The following KPNA7 variants were observed in gnomAD, a reference collection of about 807,000 sequenced individuals.
KPNA7 encodes the protein importin subunit alpha-8.
A neutral mutation model predicts 53.7 loss-of-function variants in KPNA7; 54 were observed. The ratio of observed to expected loss-of-function variants is 1.01; its 90% CI spans 0.81 to 1.26. The LOEUF (loss-of-function observed/expected upper bound fraction) is 1.26, where lower values mean the gene tolerates loss of function less well. Ranked by LOEUF, KPNA7 falls within the 50% of genes most tolerant of loss-of-function variation. The pLI is 0.00. For missense variants in KPNA7, 640 were observed against 644.5 expected, an observed-to-expected ratio of 0.99 and a Z score of 0.07; for synonymous variants, 276 against 259.3, an observed-to-expected ratio of 1.06 and a Z score of -0.62.
At chr7:99,181,519 G>A (rs1799272252) in intron 9 of KPNA7, among the ~76,000 whole-genome samples, 1 of 152,230 alleles carries the variant, frequency 6.6e-6, no homozygotes, top group African/African-American at 2.4e-5. Context: ...ACAGAGGAGG[G>A]TAGAGGTATT....
chr7:99,216,120 T>G (rs1300030433), intron 1 of KPNA7, among the ~76,000 whole-genome samples: 1 of 152,104 alleles, frequency 6.6e-6, no homozygotes, highest in African/African-American at 2.4e-5. Context: ...CTCGACTTTC[T>G]GGGCTCAGAT....
rs561294374 is a variant in KPNA7 at position 99,217,602 on chromosome 7, C to CG, written c.-23-10114dup. 1.5e-4 allele frequency among the ~76,000 whole-genome samples: 20 copies of CG among 134,120 alleles called. No individual in the cohort carries two copies. In the East Asian group the frequency reaches 4.2e-3, roughly 28 times the overall value. The allele number at this position is 134,120 out of a possible 152,430, so 88.0% of individuals were successfully genotyped here. On this transcript the variant is annotated intron_variant, in intron 1 of 10. Coordinates refer to the KPNA7 transcript ENST00000681060. ...CCAGGGAGGAGAAAAGGCCCAGGAA[C>CG]GGGGACTCCACCTTGCCTTTTTTTT... is the stretch of plus-strand genomic sequence containing the variant.
intron 3 of KPNA7, among the ~76,000 whole-genome samples, chr7:99,197,512 G>A (rs1790291837): frequency 6.6e-6 from 1 of 152,156 alleles, no homozygotes; most frequent in East Asian, 1.9e-4. Context: ...TCCCTGAGGA[G>A]ACCAGATGTT....
At chr7:99,173,837 G>A in intron 10 of KPNA7, 43 bp from the exon 11 acceptor site, 1 of 1,198,310 alleles carries the variant, frequency 8.3e-7, no homozygotes, top group South Asian at 1.4e-5. Flanking sequence ...AGGATTCTCA[G>A]CACATTATCA....
chr7:99,207,311 G>A (rs1011088213), intron 2 of KPNA7, 90 bp downstream of exon 2: 2 of 1,059,866 alleles, frequency 1.9e-6, no homozygotes, highest in Non-Finnish European at 2.9e-6. Context: ...GGGATTACAG[G>A]CATGAGCCAC....
chr7:99,180,912 C>T (rs192899007), intron 9 of KPNA7, among the ~76,000 whole-genome samples: 2 of 47,722 alleles, frequency 4.2e-5, no homozygotes, highest in African/African-American at 1.2e-4. Flanking sequence ...TCTCTCTCTC[C>T]CCGTCTGTGT....
At chr7:99,207,587 A>G in intron 1 of KPNA7, 98 bp from the exon 2 acceptor site, 1 of 368,374 alleles carries the variant, frequency 2.7e-6, no homozygotes, top group Non-Finnish European at 5.5e-6. Flanking sequence ...CTCACAGTGG[A>G]GCAAAGGGCA....
rs576807020 is a variant in KPNA7 at position 99,215,296 on chromosome 7, C to T, written c.-23-7807G>A. Among the ~76,000 whole-genome samples, 6 of 130,854 alleles carry T rather than the reference C, an allele frequency of 4.6e-5. No homozygotes were observed. The East Asian group carries it at 1.3e-3, about 29-fold the overall frequency. 85.8% of individuals were successfully genotyped at this position (130,854 alleles called of 152,430 possible). ...CTGAGGCACTGGAATCGCTTGAACC[C>T]GGGAGGCAGAGGTTGCAGTGAGCTG... On this transcript the variant is annotated intron_variant, in intron 1 of 10. Coordinates refer to the KPNA7 transcript ENST00000681060.
chr7:99,147,798 A>G, the KPNA7 span, among the ~76,000 whole-genome samples: 1 of 44,920 alleles, frequency 2.2e-5, no homozygotes, highest in African/African-American at 7.9e-5. Context: ...TCTCAAAAAA[A>G]AAAATTTTTT....
At position 99,203,138 on chromosome 7, in the gene KPNA7, T is replaced by C. The variant is rs1237097257; in HGVS notation, c.169A>G (p.Thr57Ala). The C allele has an allele frequency of 3.9e-6, 6 of 1,551,582 alleles. No homozygotes were observed. The highest frequency in any genetic ancestry group is 2.0e-5 in the Admixed American group (1 of 50,976). Residue 57 changes from threonine (T) to alanine (A), a missense_variant, in exon 3 of 11, where the codon ACA becomes GCA. Physicochemically the swap from Thr to Ala is moderately conservative, Grantham distance 58. Coordinates refer to ENST00000327442, the MANE Select transcript of KPNA7 (RefSeq NM_001145715.3). ...RRNITSFCPD[T>A]PSEKTAKGVA... ...CCTTTGGCTGTTTTTTCAGAAGGTG[T>C]GTCAGGGCAGAAGCTCGTGATATTC...
At chr7:99,184,727 G>T (rs17161604) in intron 8 of KPNA7, among the ~76,000 whole-genome samples, 15,112 of 152,154 alleles carry the variant, frequency 0.099, 892 homozygotes, top group African/African-American at 0.16. Flanking sequence ...AATAATGCTT[G>T]TTCCGTCTTC....
At chr7:99,196,062 G>A (rs1365608712) in intron 4 of KPNA7, 22 bp downstream of exon 4, 1 of 1,544,312 alleles carries the variant, frequency 6.5e-7, no homozygotes, top group Non-Finnish European at 8.8e-7. Context: ...ACCTGCAACA[G>A]CAGAAGTCTG....
upstream of KPNA7, among the ~76,000 whole-genome samples, chr7:99,208,840 G>T (rs1790952117): frequency 6.6e-6 from 1 of 152,132 alleles, no homozygotes; most frequent in Non-Finnish European, 1.5e-5. Flanking sequence ...TGAGGCAGAT[G>T]GGCTGGTTGT....
intron 3 of KPNA7, among the ~76,000 whole-genome samples, chr7:99,197,266 C>A (rs986467828): frequency 6.6e-6 from 1 of 152,176 alleles, no homozygotes; most frequent in Non-Finnish European, 1.5e-5. Flanking sequence ...GCAAACCAAG[C>A]AGACACTGCA....
chr7:99,174,349 T>TAATTATTCGATGCTGTTCAATTA, intron 10 of KPNA7, among the ~76,000 whole-genome samples: 1 of 152,174 alleles, frequency 6.6e-6, no homozygotes, highest in African/African-American at 2.4e-5. Context: ...TGATTCTGCA[T>TAATTATTCGATGCTGTTCAATTA]TACGATGAGC....
At chr7:99,180,555 C>CCA (rs1799127330) in intron 9 of KPNA7, among the ~76,000 whole-genome samples, 1 of 141,634 alleles carries the variant, frequency 7.1e-6, no homozygotes, top group East Asian at 2.1e-4. Flanking sequence ...CTCCGTCTGT[C>CCA]TCTGTCTCTG....
chr7:99,188,613 C>T (rs1789766974), intron 6 of KPNA7, 50 bp from the exon 7 acceptor site: 1 of 1,524,808 alleles, frequency 6.6e-7, no homozygotes, highest in Non-Finnish European at 8.9e-7. Flanking sequence ...AGAGAAAATG[C>T]AAACAGCAGT....
chr7:99,164,657 G>A, the KPNA7 span, among the ~76,000 whole-genome samples: 28 of 152,188 alleles, frequency 1.8e-4, 1 homozygote, highest in East Asian at 4.8e-3. Flanking sequence ...TTTCTCGAAA[G>A]AGTATGGGAG....
At chr7:99,211,964 T>C (rs13310534), upstream of KPNA7, among the ~76,000 whole-genome samples, 9,278 of 152,264 alleles carry the variant, frequency 0.061, 318 homozygotes, top group South Asian at 0.15. Context: ...TTGTGAGTCA[T>C]GTTGACCTCC....
Sources: allele counts gnomAD v4.1 joint callset (sites outside exome capture counted in the v4.1 genomes callset), GRCh38; gene constraint gnomAD v4.1.1; transcripts MANE v1.5; gene names NCBI Gene and HGNC (gene_info 2026-07-23, HGNC 2026-07-21).